M1AP: variants seen among roughly 807,000 people sequenced by gnomAD.
M1AP encodes the protein meiosis 1 arrest protein.
In M1AP, 39 loss-of-function variants were observed where a neutral mutation model predicts 51.2. That is an observed-to-expected ratio of 0.76 (90% CI 0.59 to 1.00). M1AP has a LOEUF of 1.00. Among genes scored for constraint, M1AP ranks in the 50% least tolerant of loss-of-function variants. The pLI, the probability that M1AP is intolerant of heterozygous loss-of-function variation, is 0.00. For synonymous variants in M1AP, 251 were observed against 249.2 expected, an observed-to-expected ratio of 1.01 and a Z score of -0.07; for missense variants, 545 against 641.2, an observed-to-expected ratio of 0.85 and a Z score of 1.62.
In M1AP at chr2:74,641,217, C is replaced by T. The variant is rs183698929; in HGVS notation, c.-52-890G>A. On this transcript the variant is annotated intron_variant, in intron 1 of 10. Coordinates refer to ENST00000421985, the MANE Select transcript of M1AP (RefSeq NM_001321739.2). ...ATTGTTCTTCGCCTCAAGATTTTCA[C>T]GGAAACAATACCAAATATATTCACT... Among the ~76,000 whole-genome samples the T allele has an allele frequency of 7.3e-4, 111 of 152,278 alleles. 1 individual carries two copies. The highest frequency in any genetic ancestry group is 9.9e-4 in the Non-Finnish European group (67 of 68,008).
intron 2 of M1AP, among the ~76,000 whole-genome samples, chr2:74,626,049 G>C (rs1305564406): frequency 1.3e-5 from 2 of 152,260 alleles, no homozygotes; most frequent in Non-Finnish European, 2.9e-5. Flanking sequence ...ACCAACTTTA[G>C]CCTTGACAAA....
rs745508636 is a variant in M1AP, at chr2:74,576,480, G to C, written c.908C>G (p.Ser303Cys). The change falls in exon 6 of 11, where the codon TCT (serine) becomes TGT (cysteine). Residue 303 changes from serine (S) to cysteine (C), a missense_variant. By Grantham distance (112) the Ser-to-Cys change is moderately radical. Coordinates refer to ENST00000421985, the MANE Select transcript of M1AP (RefSeq NM_001321739.2). ...CTTGATCACTTGGAGCTTGTAATGA[G>C]AGGCCGATGACTGGGAAGCCATCTG... ...LYQMASQSSA[S>C]HYKLQVIKAL... The C allele has an allele frequency of 3.7e-6, 6 of 1,613,836 alleles. No individual in the cohort carries two copies. Among genetic ancestry groups the C allele is most frequent in the African/African-American group, 1.3e-5 (1 of 74,930 alleles).
chr2:74,609,543 A>C (rs1364831579), intron 3 of M1AP, among the ~76,000 whole-genome samples: 1 of 152,182 alleles, frequency 6.6e-6, no homozygotes, highest in East Asian at 1.9e-4. Flanking sequence ...TCTCTCCAAC[A>C]CACTGATTTC....
At chr2:74,598,296 G>A (rs1472499004) in intron 4 of M1AP, among the ~76,000 whole-genome samples, 3 of 152,084 alleles carry the variant, frequency 2.0e-5, no homozygotes, top group Non-Finnish European at 4.4e-5. Context: ...GCAGGAGCAT[G>A]GCTCGAGCCT....
At position 74,592,156 on chromosome 2, in the gene M1AP, C is replaced by T. The variant is rs988826647; in HGVS notation, c.596-10309G>A. Among the ~76,000 whole-genome samples, 14 of 151,970 alleles carry T rather than the reference C, an allele frequency of 9.2e-5. No homozygotes were observed. In the East Asian group the frequency reaches 1.2e-3, roughly 13 times the overall value. ...ATAGACTGTATAATAGCTTTGCAAC[C>T]GACTCTGTGTATATACATGCATTTT... On this transcript the variant is annotated intron_variant, in intron 4 of 10. Coordinates refer to ENST00000421985, the MANE Select transcript of M1AP (RefSeq NM_001321739.2).
intron 4 of M1AP, among the ~76,000 whole-genome samples, chr2:74,588,960 G>A (rs1436748370): frequency 6.6e-6 from 1 of 152,120 alleles, no homozygotes; most frequent in Non-Finnish European, 1.5e-5. Context: ...CTACTTTCGT[G>A]GCTTACATTC....
intron 5 of M1AP, among the ~76,000 whole-genome samples, chr2:74,577,534 C>G (rs758720760): frequency 2.6e-5 from 4 of 152,150 alleles, no homozygotes; most frequent in Non-Finnish European, 4.4e-5. Context: ...AATGACTGTA[C>G]TAACTGCAAT....
intron 4 of M1AP, among the ~76,000 whole-genome samples, chr2:74,606,134 G>A (rs1214827761): frequency 1.3e-5 from 2 of 152,218 alleles, no homozygotes; most frequent in Non-Finnish European, 2.9e-5. Context: ...TGGAGTGGTG[G>A]GAAGGAAGCA....
At chr2:74,626,447 T>G (rs1374643052) in intron 2 of M1AP, among the ~76,000 whole-genome samples, 1 of 151,820 alleles carries the variant, frequency 6.6e-6, no homozygotes, top group East Asian at 1.9e-4. Flanking sequence ...TTTGTAGAGA[T>G]GAGGTCTCAC....
At chr2:74,611,788 C>T (rs373773169) in intron 3 of M1AP, among the ~76,000 whole-genome samples, 30 of 150,022 alleles carry the variant, frequency 2.0e-4, no homozygotes, top group South Asian at 6.4e-4. Flanking sequence ...GCCGAGATTA[C>T]GCCATTGCAC....
intron 8 of M1AP, among the ~76,000 whole-genome samples, chr2:74,560,633 G>A (rs940357307): frequency 1.4e-4 from 22 of 152,294 alleles, no homozygotes; most frequent in African/African-American, 5.3e-4. Context: ...TGTGTCAGTG[G>A]GCTACCCTGC....
chr2:74,643,244 A>C (rs1683413137), intron 1 of M1AP, among the ~76,000 whole-genome samples: 1 of 152,220 alleles, frequency 6.6e-6, no homozygotes, highest in African/African-American at 2.4e-5. Context: ...CACAAATGTC[A>C]ATCTACATTA....
chr2:74,562,457 C>T (rs767015429), intron 7 of M1AP, 34 bp from the exon 8 acceptor site: 1 of 1,611,788 alleles, frequency 6.2e-7, no homozygotes, highest in Non-Finnish European at 8.5e-7. Context: ...ACTGGTTCAT[C>T]TTTAGTCTAT....
intron 2 of M1AP, among the ~76,000 whole-genome samples, chr2:74,629,720 C>G (rs991525692): frequency 6.6e-6 from 1 of 151,394 alleles, no homozygotes; most frequent in Non-Finnish European, 1.5e-5. Context: ...CCACTGCACT[C>G]TAGCCCGGGC....
intron 4 of M1AP, among the ~76,000 whole-genome samples, chr2:74,584,112 A>C (rs1299219230): frequency 6.6e-6 from 1 of 152,214 alleles, no homozygotes; most frequent in Non-Finnish European, 1.5e-5. Flanking sequence ...ATTGCCAAAA[A>C]AACATTCCTT....
intron 8 of M1AP, among the ~76,000 whole-genome samples, chr2:74,561,124 GAGA>G (rs1558643657): frequency 3.3e-3 from 209 of 62,746 alleles, no homozygotes; most frequent in African/African-American, 7.5e-3. Context: ...GGAGGAGGAG[GAGA>G]AGGAGGAGGA....
At chr2:74,605,849 C>T (rs1217482025) in intron 4 of M1AP, among the ~76,000 whole-genome samples, 1 of 150,986 alleles carries the variant, frequency 6.6e-6, no homozygotes, top group Non-Finnish European at 1.5e-5. Flanking sequence ...TGCAGTGAGC[C>T]GAGATCGCGC....
At chr2:74,618,979 A>G (rs1173101083) in intron 2 of M1AP, 4 of 533,576 alleles carry the variant, frequency 7.5e-6, no homozygotes, top group Non-Finnish European at 1.5e-5. Context: ...TAGCAGAACC[A>G]TGGGCCCTCA....
intron 7 of M1AP, among the ~76,000 whole-genome samples, chr2:74,562,644 G>C (rs1320066033): frequency 2.0e-5 from 3 of 152,160 alleles, no homozygotes; most frequent in African/African-American, 7.2e-5. Context: ...GTATATAAAA[G>C]GGTCAACAAT....
Sources: allele counts gnomAD v4.1 joint callset (sites outside exome capture counted in the v4.1 genomes callset), GRCh38; gene constraint gnomAD v4.1.1; transcripts MANE v1.5; gene names NCBI Gene and HGNC (gene_info 2026-07-23, HGNC 2026-07-21).